Variants in JMJD6 observed in about 807,000 individuals in gnomAD.
The protein encoded by JMJD6 is bifunctional arginine demethylase and lysyl-hydroxylase JMJD6.
Under a neutral mutation model 45.8 loss-of-function variants are expected in JMJD6, and 17 were observed. The observed-to-expected ratio is 0.37, with a 90% CI of 0.25 to 0.56. The LOEUF (loss-of-function observed/expected upper bound fraction) is 0.56, where lower values mean the gene tolerates loss of function less well. JMJD6 is among the 20% of genes least tolerant of loss of function. The pLI, the probability that JMJD6 is intolerant of heterozygous loss-of-function variation, is 0.79. For synonymous variants in JMJD6, 221 were observed against 196.3 expected (o/e 1.13, Z -1.05); for missense variants, 470 against 517.5 (o/e 0.91, Z 0.89).
downstream of JMJD6, chr17:76,714,559 A>C (rs577461677): frequency 6.6e-6 from 1 of 152,312 alleles, no homozygotes; most frequent in Non-Finnish European, 1.5e-5. Flanking sequence ...TTGTGCTTAC[A>C]TAACGGACAG....
At chr17:76,722,674 C>T (rs552327559) in intron 3 of JMJD6, among the ~76,000 whole-genome samples, 70 of 151,726 alleles carry the variant, frequency 4.6e-4, no homozygotes, top group Non-Finnish European at 8.4e-4. Flanking sequence ...GATGAAACCC[C>T]GTCTCTACTA....
At chr17:76,717,539 A>G (rs1293913861), downstream of JMJD6, among the ~76,000 whole-genome samples, 1 of 152,146 alleles carries the variant, frequency 6.6e-6, no homozygotes, top group East Asian at 1.9e-4. Flanking sequence ...GTACTTGGAG[A>G]CGTGATTAAG....
intron 1 of JMJD6, 31 bp downstream of exon 1, chr17:76,726,316 C>CG (rs2076932571): frequency 5.9e-6 from 9 of 1,537,848 alleles, no homozygotes; most frequent in Non-Finnish European, 7.0e-6. Flanking sequence ...TGCCGATGCC[C>CG]GGCCTGGCCA....
At chr17:76,719,520 CT>C (rs2076797260) in intron 5 of JMJD6, among the ~76,000 whole-genome samples, 1 of 152,118 alleles carries the variant, frequency 6.6e-6, no homozygotes, top group Non-Finnish European at 1.5e-5. Context: ...AACTCCTGAC[CT>C]CAAGTAATCT....
Position 76,725,482 on chromosome 17 carries a change from CG to C in JMJD6, c.502del (p.Arg168AlafsTer9). The C allele has an allele frequency of 6.2e-7, 1 of 1,610,310 alleles. No homozygotes were observed. Among genetic ancestry groups the C allele is most frequent in the Non-Finnish European group, 8.5e-7 (1 of 1,178,590 alleles). ...AATACTTTACCTGTAAGGGGGCCTG[CG>C]CTTCTCCCCAGCATACTGGAAAAGG... ...DDLFQYAGEK[R>X]RPPYRWFVMG... On this transcript the variant is annotated frameshift_variant, in exon 2 of 6. Transcript: ENST00000397625. LOFTEE classifies it high-confidence loss of function.
chr17:76,720,681 G>C, intron 4 of JMJD6, 183 bp from the exon 5 acceptor site: 2 of 511,802 alleles, frequency 3.9e-6, no homozygotes, highest in Non-Finnish European at 7.0e-6. Flanking sequence ...AACCCAATAC[G>C]GTGCCCATGT....
intron 1 of JMJD6, 110 bp downstream of exon 1, chr17:76,726,237 C>T (rs531177905): frequency 7.2e-6 from 10 of 1,385,502 alleles, no homozygotes; most frequent in Middle Eastern, 2.5e-4. Flanking sequence ...GGGTGAGCCT[C>T]TACGAGGTCC....
chr17:76,725,885 TAAA>T (rs376352692), intron 1 of JMJD6, 30 bp from the exon 2 acceptor site: 151 of 1,400,916 alleles, frequency 1.1e-4, no homozygotes, highest in Admixed American at 2.9e-4. Flanking sequence ...CCTGTCCAGT[TAAA>T]AAAAAAAAAA....
chr17:76,722,917 A>ACAAAGACAATACGTAACTACTG lies in JMJD6; in HGVS notation c.805+854_805+855insCAGTAGTTACGTATTGTCTTTG, dbSNP rs71158059. Among the ~76,000 whole-genome samples the ACAAAGACAATACGTAACTACTG allele has an allele frequency of 8.8e-5, 12 of 136,920 alleles. No individual in the cohort carries two copies. The East Asian group carries it at 2.5e-3, about 29-fold the overall frequency. 89.8% of individuals were successfully genotyped at this position (136,920 alleles called of 152,430 possible). On this transcript the variant is annotated intron_variant, in intron 3 of 5. Transcript: ENST00000397625. ...AACACAAACAAGCCGCTACACATAC[A>ACAAAGACAATACGTAACTACTG]CAAACAAAGAAAAGTTGTATCTTTA...
rs1262911100 is a variant in JMJD6 at position 76,725,634 on chromosome 17, G to A, written c.351C>T (p.Tyr117=). Reference sequence around the variant, plus strand: ...CTCGAGTGCTCTCCATGTACTCGATGTAGTATTTCATCTTCATCTTCACTG... The same window carrying A: ...CTCGAGTGCTCTCCATGTACTCGATATAGTATTTCATCTTCATCTTCACTG... ...GYSVKMKMKY[Y]IEYMESTRDD... The change falls in exon 2 of 6, where the codon TAC becomes TAT. Residue 117 remains tyrosine, a synonymous_variant. Coordinates refer to ENST00000397625, the MANE Select transcript of JMJD6 (RefSeq NM_015167.3). The A allele has an allele frequency of 6.2e-7, 1 of 1,614,034 alleles. No individual in the cohort carries two copies. Among genetic ancestry groups the A allele is most frequent in the Non-Finnish European group, 8.5e-7 (1 of 1,179,992 alleles).
intron 2 of JMJD6, among the ~76,000 whole-genome samples, chr17:76,725,243 T>A (rs547174815): frequency 6.6e-6 from 1 of 152,084 alleles, no homozygotes; most frequent in Non-Finnish European, 1.5e-5. Context: ...ACCCCGTCTC[T>A]ACTAAAAATA....
At position 76,726,376 on chromosome 17, in the gene JMJD6, T is replaced by C. The variant is rs2076935340; in HGVS notation, c.100A>G (p.Ser34Gly). 6.3e-7 allele frequency: 1 copy of C among 1,598,644 alleles called. No homozygotes were observed. The highest frequency in any genetic ancestry group is 1.4e-5 in the African/African-American group (1 of 72,734). The change falls in exon 1 of 6, where the codon AGC becomes GGC. Residue 34 changes from serine to glycine, a missense_variant. Coordinates refer to ENST00000397625, the MANE Select transcript of JMJD6 (RefSeq NM_015167.3). ...ACGGCCGCCGGGCTCAGCGAGAAGC[T>C]CTCGTAGTAGTTGTGCCGGGTCCAA... ...LDWTRHNYYE[S>G]FSLSPAAVAD...
chr17:76,725,272 G>A (rs1181923077), intron 2 of JMJD6, among the ~76,000 whole-genome samples, 195 bp downstream of exon 2: 4 of 152,000 alleles, frequency 2.6e-5, no homozygotes, highest in African/African-American at 9.7e-5. Flanking sequence ...GCTGGGTGTG[G>A]TGGCGCATGC....
Position 76,723,604 on chromosome 17 carries a change from C to A in JMJD6, c.805+168G>T, listed in dbSNP as rs545777264. ...TATAGGCGCCCACCACCACGCCCGG[C>A]TAATTTTTTTGTATTTTTAGTAGAG... On this transcript the variant is annotated intron_variant, in intron 3 of 5. Coordinates refer to ENST00000397625, the MANE Select transcript of JMJD6 (RefSeq NM_015167.3). Among the ~76,000 whole-genome samples, 7 of 152,170 alleles carry A rather than the reference C, an allele frequency of 4.6e-5. No individual in the cohort carries two copies. In the South Asian group the frequency reaches 1.2e-3, roughly 27 times the overall value.
chr17:76,726,104 G>A (rs2076924213), intron 1 of JMJD6, among the ~76,000 whole-genome samples: 1 of 152,208 alleles, frequency 6.6e-6, no homozygotes, highest in African/African-American at 2.4e-5. Flanking sequence ...GGGCCTTCTA[G>A]TTGAGAGCGC....
At chr17:76,722,620 TG>T (rs1834990387) in intron 3 of JMJD6, among the ~76,000 whole-genome samples, 1 of 151,644 alleles carries the variant, frequency 6.6e-6, no homozygotes, top group African/African-American at 2.4e-5. Flanking sequence ...CTGAGACGGG[TG>T]GGTTGCCTGA....
At chr17:76,725,947 A>C in intron 1 of JMJD6, 92 bp from the exon 2 acceptor site, 2 of 1,422,612 alleles carry the variant, frequency 1.4e-6, no homozygotes, top group Non-Finnish European at 1.9e-6. Context: ...GGTAATGACA[A>C]ACCGAAGGAA....
At chr17:76,718,242 G>A (rs914815014), downstream of JMJD6, among the ~76,000 whole-genome samples, 1 of 151,202 alleles carries the variant, frequency 6.6e-6, no homozygotes, top group Non-Finnish European at 1.5e-5. Context: ...AAGCAGCAAC[G>A]GCAAACTGGG....
At chr17:76,720,336 G>C in intron 5 of JMJD6, 24 bp downstream of exon 5, 1 of 1,611,136 alleles carries the variant, frequency 6.2e-7, no homozygotes, top group Non-Finnish European at 8.5e-7. Context: ...GGCTCCAGGA[G>C]TCAGCCAGAG....
Sources: allele counts gnomAD v4.1 joint callset (sites outside exome capture counted in the v4.1 genomes callset), GRCh38; gene constraint gnomAD v4.1.1; transcripts MANE v1.5; gene names NCBI Gene and HGNC (gene_info 2026-07-23, HGNC 2026-07-21).